CNTN4: variants seen among roughly 807,000 people sequenced by gnomAD.
CNTN4 encodes contactin 4, also known as contactin-4.
Under a neutral mutation model 122.5 loss-of-function variants are expected in CNTN4, and 77 were observed. That is an observed-to-expected ratio of 0.63 (90% confidence interval 0.52 to 0.76). The LOEUF (loss-of-function observed/expected upper bound fraction) is 0.76. Among genes scored for constraint, CNTN4 ranks in the 30% least tolerant of loss-of-function variants. CNTN4 has a pLI of 0.00. For missense variants in CNTN4, 1,256 were observed against 1,259.1 expected (o/e 1.00, Z 0.04); for synonymous variants, 512 against 447.0 (o/e 1.15, Z -1.83).
Position 2,590,986 on chromosome 3 carries a change from C to T in CNTN4, c.55+19428C>T, listed in dbSNP as rs959308273. Among the ~76,000 whole-genome samples, 7 of 152,188 alleles carry T rather than the reference C, an allele frequency of 4.6e-5. No individual in the cohort carries two copies. The East Asian group carries it at 5.8e-4, about 13-fold the overall frequency. The stretch of plus-strand genomic sequence containing the variant: ...TAACTGTGAAATCATCATCAATATT[C>T]GAAATAATGCATCACTCCAGGAGGT... On this transcript the variant is annotated intron_variant, in intron 4 of 24. Transcript: ENST00000418658.
chr3:2,414,157 A>G (rs1486816074), intron 3 of CNTN4, among the ~76,000 whole-genome samples: 1 of 152,200 alleles, frequency 6.6e-6, no homozygotes, highest in Non-Finnish European at 1.5e-5. Flanking sequence ...TTTTCTAACA[A>G]TGTAGGATGG....
chr3:2,711,739 G>A (rs960970568), intron 4 of CNTN4, among the ~76,000 whole-genome samples: 2 of 152,110 alleles, frequency 1.3e-5, no homozygotes, highest in Non-Finnish European at 2.9e-5. Context: ...ATCAGAACTG[G>A]GACCAGGCAA....
At chr3:2,180,487 T>G in intron 2 of CNTN4, among the ~76,000 whole-genome samples, 1 of 152,116 alleles carries the variant, frequency 6.6e-6, no homozygotes, top group Admixed American at 6.6e-5. Context: ...TTGGGTCCAC[T>G]TGCTCATTGA....
intron 2 of CNTN4, among the ~76,000 whole-genome samples, chr3:2,125,388 T>C (rs533410634): frequency 5.4e-5 from 8 of 148,852 alleles, no homozygotes; most frequent in African/African-American, 2.0e-4. Context: ...GTTTTCTTTA[T>C]TCATTTATTG....
chr3:2,802,923 G>GTAAGAAA (rs1382008539), intron 6 of CNTN4, among the ~76,000 whole-genome samples: 2 of 152,160 alleles, frequency 1.3e-5, no homozygotes, highest in African/African-American at 2.4e-5. Flanking sequence ...AGTTTCTTAA[G>GTAAGAAA]TAAGAAATTA....
At chr3:2,728,702 C>T (rs1359843716) in intron 4 of CNTN4, among the ~76,000 whole-genome samples, 1 of 152,236 alleles carries the variant, frequency 6.6e-6, no homozygotes, top group Non-Finnish European at 1.5e-5. Context: ...AAGCTACCTA[C>T]CCTCCAGATG....
chr3:2,106,554 T>C (rs2125108746), intron 2 of CNTN4, among the ~76,000 whole-genome samples: 1 of 152,344 alleles, frequency 6.6e-6, no homozygotes, highest in East Asian at 1.9e-4. Context: ...CCCTTTTAGC[T>C]ACAGCTGGAG....
At chr3:2,345,400 A>G (rs540390285) in intron 3 of CNTN4, among the ~76,000 whole-genome samples, 7 of 152,326 alleles carry the variant, frequency 4.6e-5, no homozygotes, top group Admixed American at 2.6e-4. Flanking sequence ...AATGTTAAGC[A>G]GAAATTTTTA....
In CNTN4 at chr3:2,711,804, A is replaced by G. The variant is rs527457751; in HGVS notation, c.56-24411A>G. Reference sequence around the variant, plus strand: ...AAACCTCAGGGAGAATATAAATTCCAGTTCATTCTATAATAAAGTCTCAAA... The same window carrying G: ...AAACCTCAGGGAGAATATAAATTCCGGTTCATTCTATAATAAAGTCTCAAA... On this transcript the variant is annotated intron_variant, in intron 4 of 24. Coordinates refer to ENST00000418658, the MANE Select transcript of CNTN4 (RefSeq NM_175607.3). Among the ~76,000 whole-genome samples, 5 of 152,350 alleles carry G rather than the reference A, an allele frequency of 3.3e-5. No homozygotes were observed. The South Asian group carries it at 1.0e-3, about 32-fold the overall frequency.
chr3:2,197,732 C>G (rs1417124270), intron 2 of CNTN4, among the ~76,000 whole-genome samples: 1 of 152,036 alleles, frequency 6.6e-6, no homozygotes, highest in Non-Finnish European at 1.5e-5. Context: ...CTAGAGAATT[C>G]TGTCCAGGCA....
intron 2 of CNTN4, among the ~76,000 whole-genome samples, chr3:2,117,770 A>G (rs1474283056): frequency 1.3e-5 from 2 of 152,166 alleles, no homozygotes; most frequent in Non-Finnish European, 2.9e-5. Context: ...TTCCCGGGTG[A>G]TTTTATTAGA....
At chr3:2,747,272 A>G (rs371608681) in intron 6 of CNTN4, among the ~76,000 whole-genome samples, 12,289 of 150,252 alleles carry the variant, frequency 0.082, 761 homozygotes, top group African/African-American at 0.17. Context: ...AGCCGGGCGC[A>G]GTGGCAGGTG....
intron 14 of CNTN4, among the ~76,000 whole-genome samples, chr3:2,994,594 CAT>C (rs35069373): frequency 0.19 from 26,975 of 144,484 alleles, 2,568 homozygotes; most frequent in East Asian, 0.27. Flanking sequence ...CAGATTTTTT[CAT>C]ATATATATAT....
intron 2 of CNTN4, among the ~76,000 whole-genome samples, chr3:2,209,782 G>T (rs763847003): frequency 2.8e-4 from 43 of 152,072 alleles, no homozygotes; most frequent in Non-Finnish European, 4.7e-4. Flanking sequence ...TTAAGAATCA[G>T]TTGGCAATTC....
At chr3:2,559,143 C>G (rs1053659595) in intron 3 of CNTN4, among the ~76,000 whole-genome samples, 2 of 152,142 alleles carry the variant, frequency 1.3e-5, no homozygotes, top group Admixed American at 1.3e-4. Context: ...TAAAAACTGT[C>G]ACATTCAGGG....
At chr3:2,649,134 TA>T (rs980570893) in intron 4 of CNTN4, among the ~76,000 whole-genome samples, 2 of 152,154 alleles carry the variant, frequency 1.3e-5, no homozygotes, top group Non-Finnish European at 2.9e-5. Context: ...CTCCTTAACA[TA>T]AAAGTGCAAG....
At chr3:2,805,765 C>T (rs1321750027) in intron 6 of CNTN4, among the ~76,000 whole-genome samples, 2 of 152,168 alleles carry the variant, frequency 1.3e-5, no homozygotes, top group Non-Finnish European at 2.9e-5. Context: ...GGAAGCTAAA[C>T]TGAAAACTCA....
intron 2 of CNTN4, among the ~76,000 whole-genome samples, chr3:2,126,554 T>C (rs1483606666): frequency 5.9e-5 from 9 of 152,212 alleles, no homozygotes; most frequent in Non-Finnish European, 7.3e-5. Flanking sequence ...ATAAGATTTA[T>C]TGAGCATCTT....
chr3:2,782,632 G>C (rs1348545951), intron 6 of CNTN4, among the ~76,000 whole-genome samples: 2 of 152,022 alleles, frequency 1.3e-5, no homozygotes, highest in Non-Finnish European at 2.9e-5. Context: ...ATATACCACC[G>C]GGCGAACAGG....
Sources: gnomAD v4.1 joint callset for allele counts (sites outside exome capture counted in the v4.1 genomes callset) on GRCh38, gnomAD v4.1.1 for gene constraint, MANE v1.5 for transcripts, NCBI Gene and HGNC (gene_info 2026-07-23, HGNC 2026-07-21) for gene names.